Variants in ZFP28 observed in about 807,000 individuals in gnomAD.
ZFP28 encodes the protein ZFP28 zinc finger protein, also known as zinc finger protein 28 homolog.
A neutral mutation model predicts 39.5 loss-of-function variants in ZFP28; 31 were observed. The observed-to-expected ratio is 0.79, with a 90% CI of 0.59 to 1.06. The LOEUF (loss-of-function observed/expected upper bound fraction) is 1.06. Ranked by LOEUF, ZFP28 falls within the 50% of genes least tolerant of loss-of-function variation. The probability of loss-of-function intolerance (pLI) is 0.00; values close to 1 mark genes in which losing one functional copy is unlikely to be tolerated. For synonymous variants in ZFP28, 400 were observed against 378.6 expected (o/e 1.06, Z -0.66); for missense variants, 925 against 1,048.4 (o/e 0.88, Z 1.63).
In ZFP28 at chr19:56,539,171, T is replaced by A; in HGVS notation, c.153T>A (p.Asn51Lys). Reference sequence around the variant, plus strand: ...CCCGGGGAAGGCCGCGCTCAAGGAATGGCCTCGCATCCAAAGGCCAGCGAG... The same window carrying A: ...CCCGGGGAAGGCCGCGCTCAAGGAAAGGCCTCGCATCCAAAGGCCAGCGAG... ...LPARGRPRSRNGLASKGQRGA... is the reference protein window; with the variant it reads ...LPARGRPRSRKGLASKGQRGA... Residue 51 changes from asparagine (N) to lysine (K), a missense_variant, in exon 1 of 8, where the codon AAT becomes AAA. Asn to Lys is a moderately conservative substitution (Grantham distance 94). Transcript: ENST00000301318. The A allele has an allele frequency of 1.9e-6, 3 of 1,602,490 alleles. No homozygotes were observed. The highest frequency in any genetic ancestry group is 2.5e-6 in the Non-Finnish European group (3 of 1,177,712).
Position 56,550,513 on chromosome 19 carries a change from A to G in ZFP28, c.806A>G (p.His269Arg), listed in dbSNP as rs755379960. ...ENNSDLGSAG[H>R]CVAKPDLVSL... Reference sequence around the variant, plus strand: ...TCATCTCTTTTCACTTTTTCAGGACATTGTGTGGCTAAGCCAGATTTAGTC... The same window carrying G: ...TCATCTCTTTTCACTTTTTCAGGACGTTGTGTGGCTAAGCCAGATTTAGTC... The change falls in exon 7 of 8, where the codon CAT becomes CGT. Residue 269 changes from histidine to arginine, a missense_variant. Physicochemically the swap from His to Arg is conservative, Grantham distance 29 (BLOSUM62 0). This residue lies in a region of ZFP28 where 556 missense variants were observed against 542.9 expected (regional missense o/e 1.02). Transcript: ENST00000301318. 6 of 1,613,320 alleles carry G rather than the reference A, an allele frequency of 3.7e-6. No individual in the cohort carries two copies. The highest frequency in any genetic ancestry group is 2.2e-5 in the South Asian group (2 of 90,956).
rs1209466548 is a variant in ZFP28, at chr19:56,554,140, A to C, written c.1355A>C (p.Glu452Ala). The C allele has an allele frequency of 6.2e-7, 1 of 1,614,174 alleles. No homozygotes were observed. The highest frequency in any genetic ancestry group is 1.7e-4 in the Middle Eastern group (1 of 6,060). The change falls in exon 8 of 8, where the codon GAA (glutamate) becomes GCA (alanine). Residue 452 changes from glutamate to alanine, a missense_variant. Coordinates refer to ENST00000301318, the MANE Select transcript of ZFP28 (RefSeq NM_020828.2). This position sits in a 1 kb window ranked among gnomAD's most constrained non-coding sequence, Gnocchi z 6.7. ...HTGEKPYKCN[E>A]CGKAFSDGSS... ...GGAGAGAAACCTTATAAATGTAATG[A>C]ATGTGGGAAGGCCTTTAGTGACGGC...
At chr19:56,538,309 G>A (rs907910446), upstream of ZFP28, 4 of 152,306 alleles carry the variant, frequency 2.6e-5, no homozygotes, top group African/African-American at 9.7e-5. Context: ...TCCCTTCCCG[G>A]TCGGCAGTGA....
chr19:56,539,545 A>C, intron 1 of ZFP28, 80 bp from the exon 2 acceptor site: 1 of 1,234,724 alleles, frequency 8.1e-7, no homozygotes, highest in Non-Finnish European at 1.2e-6. Flanking sequence ...CCACCTTTTC[A>C]TGCAGGAAGG....
intron 2 of ZFP28, chr19:56,544,689 TACTG>T (rs2044224436): frequency 1.3e-5 from 2 of 152,208 alleles, no homozygotes; most frequent in South Asian, 2.1e-4. Context: ...ATAGTAATAG[TACTG>T]ACTATTAGGA....
chr19:56,548,308 A>G (rs1268213702), intron 4 of ZFP28: 1 of 157,636 alleles, frequency 6.3e-6, no homozygotes, highest in Non-Finnish European at 1.4e-5. Flanking sequence ...AAAGTTTCCA[A>G]TTTAACATCA....
Position 56,549,034 on chromosome 19 carries a change from G to T in ZFP28, c.600G>T (p.Val200=). 1 of 1,614,106 alleles carries T rather than the reference G, an allele frequency of 6.2e-7. No homozygotes were observed. Among genetic ancestry groups the T allele is most frequent in the East Asian group, 2.2e-5 (1 of 44,856 alleles). Residue 200 remains valine, a synonymous_variant, in exon 5 of 8, where the codon GTG becomes GTT. Coordinates refer to ENST00000301318, the MANE Select transcript of ZFP28 (RefSeq NM_020828.2). Reference sequence around the variant, plus strand: ...GCGAAGGAAAGCTATCCCAGGCAGTGATAACAGAGAGACTCACAAGCTATA... The same window carrying T: ...GCGAAGGAAAGCTATCCCAGGCAGTTATAACAGAGAGACTCACAAGCTATA... ...DFCEGKLSQA[V]ITERLTSYNL... is the part of the protein sequence containing the mutation.
Position 56,547,211 on chromosome 19 carries a change from G to A in ZFP28, c.301-297G>A, listed in dbSNP as rs1330698944. The A allele has an allele frequency of 1.6e-5, 5 of 304,242 alleles. No homozygotes were observed. Among genetic ancestry groups the A allele is most frequent in the East Asian group, 1.3e-4 (2 of 15,234 alleles). The allele number at this position is 304,242 out of a possible 1,614,324, so 18.8% of individuals were successfully genotyped here. A position where few individuals can be genotyped will look rare whatever the true frequency, so the allele number is the denominator to read the frequency against. On this transcript the variant is annotated intron_variant, in intron 2 of 7. Transcript: ENST00000301318. This position sits in a 1 kb window ranked among gnomAD's most constrained non-coding sequence, Gnocchi z 4.6. ...CTCTCTCCTTGGCTTGCAGACGGCC[G>A]TCTTCTCTCTGTGTCCTCACGTGGT... is the stretch of plus-strand genomic sequence containing the variant.
chr19:56,555,056 T>C lies in ZFP28; in HGVS notation c.2271T>C (p.Tyr757=), dbSNP rs201826643. 19 of 1,614,170 alleles carry C rather than the reference T, an allele frequency of 1.2e-5. 1 individual carries two copies. In the South Asian group the frequency reaches 1.5e-4, roughly 13 times the overall value. ...GAAGTCATACTGGAGAAAAACCTTA[T>C]GAATGCAGTGTGTGTGGCAAAGCCT... The part of the protein sequence containing the change: ...HRRSHTGEKP[Y]ECSVCGKAFS... The change falls in exon 8 of 8, where the codon TAT becomes TAC. Residue 757 remains tyrosine, a synonymous_variant. Transcript: ENST00000301318.
intron 2 of ZFP28, chr19:56,544,681 A>G (rs2044224311): frequency 6.6e-6 from 1 of 152,240 alleles, no homozygotes; most frequent in African/African-American, 2.4e-5. Flanking sequence ...AAATGGGAAT[A>G]GTAATAGTAC....
In ZFP28 at chr19:56,554,976, T is replaced by A; in HGVS notation, c.2191T>A (p.Cys731Ser). 1 of 1,614,164 alleles carries A rather than the reference T, an allele frequency of 6.2e-7. No homozygotes were observed. The highest frequency in any genetic ancestry group is 8.5e-7 in the Non-Finnish European group (1 of 1,180,030). The change falls in exon 8 of 8, where the codon TGT becomes AGT. Residue 731 changes from cysteine (C) to serine (S), a missense_variant. Transcript: ENST00000301318. The surrounding 1 kb of genome is among the most constrained non-coding windows in gnomAD (Gnocchi z 6.7). ...GCACACTGGCCAAAGACCTTATGAA[T>A]GTATTGAGTGTGGAAAGGCATTCAA... ...RLHTGQRPYE[C>S]IECGKAFKTK...
chr19:56,537,267 C>A (rs1465370332), upstream of ZFP28, among the ~76,000 whole-genome samples: 1 of 152,088 alleles, frequency 6.6e-6, no homozygotes, highest in Non-Finnish European at 1.5e-5. Flanking sequence ...GCCACGATCC[C>A]TTTGCCAGCT....
At chr19:56,539,771 T>C (rs879214832) in intron 2 of ZFP28, 55 bp downstream of exon 2, 2 of 1,503,876 alleles carry the variant, frequency 1.3e-6, no homozygotes, top group South Asian at 1.2e-5. Flanking sequence ...TTTCGGGACT[T>C]AATGTTGCTT....
rs759525717 is a variant in ZFP28, at chr19:56,547,816, T to C, written c.437T>C (p.Val146Ala). The change falls in exon 4 of 8, where the codon GTT becomes GCT. Residue 146 changes from valine to alanine, a missense_variant. Val to Ala is a moderately conservative substitution (Grantham distance 64, BLOSUM62 0). This residue lies in a region of ZFP28 where 556 missense variants were observed against 542.9 expected (regional missense o/e 1.02). Coordinates refer to ENST00000301318, the MANE Select transcript of ZFP28 (RefSeq NM_020828.2). The surrounding 1 kb of genome is among the most constrained non-coding windows in gnomAD (Gnocchi z 4.6). Reference protein sequence around the residue: ...YRNLASLGLCVSKPDVISSLE... With the variant: ...YRNLASLGLCASKPDVISSLE... ...TTTTTTATGTGTCTAGGACTTTGTG[T>C]TTCTAAGCCCGATGTGATCTCCTCG... 2 of 1,614,172 alleles carry C rather than the reference T, an allele frequency of 1.2e-6. No homozygotes were observed. The highest frequency in any genetic ancestry group is 1.7e-6 in the Non-Finnish European group (2 of 1,180,026).
Position 56,547,754 on chromosome 19 carries a change from A to T in ZFP28, c.428-53A>T. ...TCTTGCGTCAAGCCAAGGGGACTGC[A>T]TCTCAGTCTGGACAGCCACACAGTA... On this transcript the variant is annotated intron_variant, in intron 3 of 7. Transcript: ENST00000301318. This position sits in a 1 kb window ranked among gnomAD's most constrained non-coding sequence, Gnocchi z 4.6. 6.2e-7 allele frequency: 1 copy of T among 1,607,998 alleles called. No individual in the cohort carries two copies. Among genetic ancestry groups the T allele is most frequent in the Admixed American group, 1.7e-5 (1 of 59,712 alleles).
chr19:56,550,804 C>G, intron 7 of ZFP28, 199 bp downstream of exon 7: 1 of 1,503,926 alleles, frequency 6.6e-7, no homozygotes, highest in Non-Finnish European at 8.8e-7. Flanking sequence ...CTGCCATTTC[C>G]CTGAAGTTCC....
At chr19:56,549,258 C>A in intron 5 of ZFP28, 137 bp downstream of exon 5, 1 of 1,004,748 alleles carries the variant, frequency 1.0e-6, no homozygotes, top group Non-Finnish European at 1.4e-6. Flanking sequence ...ACAGATTATC[C>A]CCTCAGAACA....
chr19:56,553,274 G>A (rs1356779173), intron 7 of ZFP28, among the ~76,000 whole-genome samples: 2 of 151,804 alleles, frequency 1.3e-5, no homozygotes, highest in African/African-American at 4.8e-5. Flanking sequence ...AGGCTGGAGT[G>A]CAGTGGCTTG....
At chr19:56,544,484 A>G (rs1488212720) in intron 2 of ZFP28, 1 of 152,272 alleles carries the variant, frequency 6.6e-6, no homozygotes, top group African/African-American at 2.4e-5. Context: ...AGTTGCGGCC[A>G]AGGCTATTTG....
Sources: gnomAD v4.1 joint callset for allele counts (sites outside exome capture counted in the v4.1 genomes callset) on GRCh38, gnomAD v4.1.1 for gene constraint, gnomAD v4.1.1 regional missense constraint, Gnocchi (gnomAD v3.1) non-coding constraint, MANE v1.5 for transcripts, NCBI Gene and HGNC (gene_info 2026-07-23, HGNC 2026-07-21) for gene names.